Variants in TDRD7 observed in about 807,000 individuals in gnomAD.
TDRD7 encodes the protein tudor domain-containing protein 7.
In TDRD7, 47 loss-of-function variants were observed where a neutral mutation model predicts 109.8. The observed-to-expected ratio is 0.43, with a 90% CI of 0.34 to 0.55. The LOEUF (loss-of-function observed/expected upper bound fraction) is 0.55. TDRD7 is among the 20% of genes least tolerant of loss of function. TDRD7 has a pLI of 0.03. For synonymous variants in TDRD7, 424 were observed against 457.3 expected, an observed-to-expected ratio of 0.93 and a Z score of 0.93; for missense variants, 1,164 against 1,319.2, an observed-to-expected ratio of 0.88 and a Z score of 1.82.
At position 97,460,781 on chromosome 9, in the gene TDRD7, A is replaced by T. The variant is rs753486062; in HGVS notation, c.1442+17A>T. 2 of 1,602,808 alleles carry T rather than the reference A, an allele frequency of 1.2e-6. No individual in the cohort carries two copies. Among genetic ancestry groups the T allele is most frequent in the Non-Finnish European group, 1.7e-6 (2 of 1,170,028 alleles). ...GGTTATCAGGCAAGTTTCATTTTCT[A>T]ATTCTTTAGGATTCTGATATACTTT... On this transcript the variant is annotated intron_variant, in intron 7 of 16. Transcript: ENST00000355295.
intron 1 of TDRD7, among the ~76,000 whole-genome samples, chr9:97,423,337 A>G (rs966507000): frequency 6.6e-6 from 1 of 150,702 alleles, no homozygotes; most frequent in African/African-American, 2.4e-5. Flanking sequence ...TCTCTTTTTA[A>G]TGTCTGTAGG....
At chr9:97,428,367 A>G (rs1828038832) in intron 1 of TDRD7, 93 bp from the exon 2 acceptor site, 5 of 1,262,776 alleles carry the variant, frequency 4.0e-6, no homozygotes, top group Non-Finnish European at 4.5e-6. Flanking sequence ...TGCAGTAATA[A>G]TTTATAAAGT....
At position 97,439,273 on chromosome 9, in the gene TDRD7, C is replaced by G; in HGVS notation, c.592C>G (p.Pro198Ala). ...TAGCCCAAAGGCGTCCCTTCAACCA[C>G]CTTTGCAGATGCATCTCTCAAGAAC... ...RFSPKASLQP[P>A]LQMHLSRTST... is the part of the protein sequence containing the mutation. Residue 198 changes from proline (P) to alanine (A), a missense_variant, in exon 5 of 17, where the codon CCT becomes GCT. Coordinates refer to ENST00000355295, the MANE Select transcript of TDRD7 (RefSeq NM_014290.3). 1.2e-6 allele frequency: 2 copies of G among 1,602,636 alleles called. No homozygotes were observed. Among genetic ancestry groups the G allele is most frequent in the African/African-American group, 1.3e-5 (1 of 74,804 alleles).
chr9:97,430,570 G>C (rs1220610240), intron 2 of TDRD7, among the ~76,000 whole-genome samples: 1 of 152,100 alleles, frequency 6.6e-6, no homozygotes, highest in African/African-American at 2.4e-5. Flanking sequence ...GCATTCCCAT[G>C]TGTAAAGTGT....
chr9:97,482,772 A>G (rs1829136934), intron 14 of TDRD7, 77 bp from the exon 15 acceptor site: 2 of 1,495,994 alleles, frequency 1.3e-6, no homozygotes, highest in South Asian at 2.4e-5. Context: ...TGTTTTAATG[A>G]TTAAGGTTAC....
At chr9:97,422,743 AT>A (rs1358183885) in intron 1 of TDRD7, among the ~76,000 whole-genome samples, 1 of 152,058 alleles carries the variant, frequency 6.6e-6, no homozygotes, top group East Asian at 1.9e-4. Flanking sequence ...TCATAAATAC[AT>A]TTTTTATTTT....
At chr9:97,480,233 T>G (rs1474675310) in intron 13 of TDRD7, 2 of 160,020 alleles carry the variant, frequency 1.2e-5, no homozygotes, top group Non-Finnish European at 2.8e-5. Context: ...GATGCTTGTA[T>G]AGTGGTGGTA....
intron 4 of TDRD7, among the ~76,000 whole-genome samples, chr9:97,433,689 A>G (rs1828145566): frequency 6.6e-6 from 1 of 152,146 alleles, no homozygotes; most frequent in Admixed American, 6.6e-5. Context: ...AATTTTAAAA[A>G]CGAGCAAAGG....
At chr9:97,447,875 C>T (rs991549751) in intron 6 of TDRD7, among the ~76,000 whole-genome samples, 19 of 152,234 alleles carry the variant, frequency 1.2e-4, no homozygotes, top group African/African-American at 4.3e-4. Context: ...AGAGGCCTAA[C>T]CTCAGGCCAT....
chr9:97,480,124 A>T (rs548624196), intron 13 of TDRD7, among the ~76,000 whole-genome samples: 1 of 152,344 alleles, frequency 6.6e-6, no homozygotes, highest in East Asian at 1.9e-4. Flanking sequence ...ACTGGGTTTC[A>T]TCCCCTTCAC....
chr9:97,421,698 TTGTGTGTGTGTG>T (rs59218055), intron 1 of TDRD7, among the ~76,000 whole-genome samples: 75 of 142,958 alleles, frequency 5.2e-4, no homozygotes, highest in East Asian at 3.8e-3. Context: ...TGCCCAGCTT[TTGTGTGTGTGTG>T]TGTGTGTGTG....
chr9:97,414,276 AT>A (rs1389154868), intron 1 of TDRD7, among the ~76,000 whole-genome samples: 1 of 152,194 alleles, frequency 6.6e-6, no homozygotes, highest in Non-Finnish European at 1.5e-5. Flanking sequence ...TAATTTTGCA[AT>A]TTTTAGTTGA....
At position 97,424,171 on chromosome 9, in the gene TDRD7, A is replaced by G. The variant is rs568039564; in HGVS notation, c.-6-4289A>G. Among the ~76,000 whole-genome samples the G allele has an allele frequency of 1.2e-4, 17 of 147,206 alleles. No homozygotes were observed. In the South Asian group the frequency reaches 1.3e-3, roughly 11 times the overall value. ...TGAGTTCAAGCAATTATCCTGCCTC[A>G]GCCTCCTGAGTAGCTGGGATTACAG... On this transcript the variant is annotated intron_variant, in intron 1 of 16. Transcript: ENST00000355295.
intron 11 of TDRD7, among the ~76,000 whole-genome samples, chr9:97,473,831 C>T (rs765773516): frequency 3.3e-5 from 5 of 152,138 alleles, no homozygotes; most frequent in African/African-American, 4.8e-5. Context: ...CAATGTAAAA[C>T]GAAGATAGCA....
At position 97,478,434 on chromosome 9, in the gene TDRD7, T is replaced by C. The variant is rs749530943; in HGVS notation, c.2167-5T>C. 1 of 1,614,018 alleles carries C rather than the reference T, an allele frequency of 6.2e-7. No individual in the cohort carries two copies. Among genetic ancestry groups the C allele is most frequent in the Admixed American group, 1.7e-5 (1 of 59,992 alleles). ...ATAAATGAGCCAACACTTATCTCAT[T>C]TCAGATCACAAATGTTCACAGCAGC... is the stretch of plus-strand genomic sequence containing the variant. On this transcript the variant is annotated splice_polypyrimidine_tract_variant and splice_region_variant and intron_variant, in intron 12 of 16. Transcript: ENST00000355295.
At chr9:97,456,987 C>T (rs950611879) in intron 6 of TDRD7, among the ~76,000 whole-genome samples, 2 of 152,036 alleles carry the variant, frequency 1.3e-5, no homozygotes, top group Admixed American at 6.6e-5. Context: ...AAAAAAACAA[C>T]CCCATCAAAA....
intron 6 of TDRD7, among the ~76,000 whole-genome samples, chr9:97,459,222 T>G (rs1468432291): frequency 1.3e-5 from 2 of 152,200 alleles, no homozygotes; most frequent in African/African-American, 4.8e-5. Context: ...TATTCAACTG[T>G]GTCACTGTAG....
intron 9 of TDRD7, 108 bp from the exon 10 acceptor site, chr9:97,472,185 G>T (rs1407906123): frequency 6.4e-6 from 6 of 939,816 alleles, no homozygotes. Context: ...TAATAATTTT[G>T]CAGTAGGCTT....
At chr9:97,479,676 A>G (rs1158118527) in intron 13 of TDRD7, among the ~76,000 whole-genome samples, 15 of 152,244 alleles carry the variant, frequency 9.9e-5, no homozygotes, top group Admixed American at 9.8e-4. Context: ...AAGAGTCTAA[A>G]TCAGAGTACC....
Sources: allele counts gnomAD v4.1 joint callset (sites outside exome capture counted in the v4.1 genomes callset), GRCh38; gene constraint gnomAD v4.1.1; transcripts MANE v1.5; gene names NCBI Gene and HGNC (gene_info 2026-07-23, HGNC 2026-07-21).